Variants in ANO1 observed in about 807,000 individuals in gnomAD.
The protein encoded by ANO1 is anoctamin 1.
A neutral mutation model predicts 124.0 loss-of-function variants in ANO1; 59 were observed. The observed-to-expected ratio is 0.48, with a 90% CI of 0.39 to 0.59. ANO1 has a LOEUF of 0.59. Ranked by LOEUF, ANO1 falls within the 20% of genes least tolerant of loss-of-function variation. ANO1 has a pLI of 0.00. For missense variants in ANO1, 1,059 were observed against 1,328.0 expected (o/e 0.80, Z 3.15); for synonymous variants, 529 against 532.0 (o/e 0.99, Z 0.08).
chr11:69,997,479 A>G (rs536103964), intron 1 of ANO1, among the ~76,000 whole-genome samples: 115 of 152,344 alleles, frequency 7.5e-4, no homozygotes, highest in African/African-American at 2.6e-3. Context: ...CCCAGGCCAC[A>G]GGGCCAGACA....
In ANO1 at chr11:70,121,135, A is replaced by G. The variant is rs116160371; in HGVS notation, c.898-3215A>G. 7.2e-3 allele frequency among the ~76,000 whole-genome samples: 1,101 copies of G among 152,158 alleles called. 22 individuals carry two copies. Among genetic ancestry groups the G allele is most frequent in the African/African-American group, 0.025 (1,047 of 41,510 alleles). On this transcript the variant is annotated intron_variant, in intron 8 of 25. Transcript: ENST00000355303. Reference sequence around the variant, plus strand: ...GGGTGGGTCCCTCCTCCCCCGGTGCAGAGCTTTGTCCTTTCTCACTGTCCC... The same window carrying G: ...GGGTGGGTCCCTCCTCCCCCGGTGCGGAGCTTTGTCCTTTCTCACTGTCCC...
rs528137366 is a variant in ANO1 at position 70,019,925 on chromosome 11, C to T, written c.58+33759C>T. ...CCCAGCCAGCCCCAGGCTGAGGCCTCGGAGTGGGAAGGGGGCCGAGGGCCC... is the reference window on the plus strand; with the variant it reads ...CCCAGCCAGCCCCAGGCTGAGGCCTTGGAGTGGGAAGGGGGCCGAGGGCCC... On this transcript the variant is annotated intron_variant, in intron 1 of 27. Transcript: ENST00000531349. Among the ~76,000 whole-genome samples the T allele has an allele frequency of 6.1e-3, 933 of 152,346 alleles. 7 individuals carry two copies. The highest frequency in any genetic ancestry group is 0.016 in the South Asian group (75 of 4,828).
intron 11 of ANO1, among the ~76,000 whole-genome samples, chr11:70,141,064 C>A (rs2155449): frequency 0.51 from 77,023 of 151,874 alleles, 20,301 homozygotes; most frequent in Non-Finnish European, 0.6. Flanking sequence ...AGATGCGCAC[C>A]CCGGCCCATC....
intron 22 of ANO1, among the ~76,000 whole-genome samples, chr11:70,179,691 G>A (rs943861818): frequency 6.6e-6 from 1 of 152,198 alleles, no homozygotes; most frequent in African/African-American, 2.4e-5. Context: ...AATTAAAAAA[G>A]GTTTCATCTA....
rs541881612 is a variant in ANO1 at position 70,155,803 on chromosome 11, G to A, written c.1426-108G>A. ...GCAGTGAGCTTACGGCCCGCACCAGGAGGGGCCAGCCTGCTGCCAAGATGG... is the reference window on the plus strand; with the variant it reads ...GCAGTGAGCTTACGGCCCGCACCAGAAGGGGCCAGCCTGCTGCCAAGATGG... On this transcript the variant is annotated intron_variant, in intron 14 of 25. Transcript: ENST00000355303. 302 of 1,050,272 alleles carry A rather than the reference G, an allele frequency of 2.9e-4. 1 individual carries two copies. In the African/African-American group the frequency reaches 4.6e-3, roughly 16 times the overall value. 65.1% of individuals were successfully genotyped at this position (1,050,272 alleles called of 1,614,324 possible).
chr11:70,125,798 A>C (rs953586260), intron 9 of ANO1, among the ~76,000 whole-genome samples: 18 of 146,534 alleles, frequency 1.2e-4, no homozygotes, highest in South Asian at 2.3e-4. Flanking sequence ...GAGCCGAGAT[A>C]GCGCCACTGC....
intron 1 of ANO1, among the ~76,000 whole-genome samples, chr11:70,019,629 G>GGGAT (rs1555002420): frequency 1.3e-5 from 2 of 152,148 alleles, no homozygotes; most frequent in African/African-American, 4.8e-5. Context: ...ATGATGGGAA[G>GGGAT]GTTTACACCT....
At chr11:70,098,060 T>C (rs2045084103) in intron 2 of ANO1, among the ~76,000 whole-genome samples, 1 of 152,182 alleles carries the variant, frequency 6.6e-6, no homozygotes, top group Non-Finnish European at 1.5e-5. Flanking sequence ...GTGAACCCCT[T>C]GGGGCACCCG....
At chr11:70,178,361 T>C (rs897516937) in intron 22 of ANO1, among the ~76,000 whole-genome samples, 1 of 152,122 alleles carries the variant, frequency 6.6e-6, no homozygotes, top group Non-Finnish European at 1.5e-5. Flanking sequence ...GCAGAGCCCA[T>C]GTGACTGCCC....
chr11:70,010,393 G>A (rs192969938), intron 1 of ANO1, among the ~76,000 whole-genome samples: 92 of 151,388 alleles, frequency 6.1e-4, no homozygotes, highest in African/African-American at 2.1e-3. Flanking sequence ...TGGCTCTTGT[G>A]GAAATGACTA....
chr11:69,976,248 G>A, the ANO1 span, among the ~76,000 whole-genome samples: 122 of 152,220 alleles, frequency 8.0e-4, 1 homozygote, highest in Middle Eastern at 3.4e-3. Flanking sequence ...GAAGGCTCAC[G>A]CCTGTAATCC....
At chr11:69,972,911 TC>T in the ANO1 span, among the ~76,000 whole-genome samples, 1 of 87,248 alleles carries the variant, frequency 1.1e-5, no homozygotes, top group Non-Finnish European at 2.9e-5. Context: ...CTTTTCTTTT[TC>T]TTTCTTTTTT....
intron 1 of ANO1, among the ~76,000 whole-genome samples, chr11:70,002,190 C>A (rs552497712): frequency 2.2e-4 from 33 of 152,200 alleles, no homozygotes; most frequent in African/African-American, 7.7e-4. Context: ...GTGGCTCACA[C>A]CTATAATCCC....
At chr11:69,990,871 A>T (rs1554997388) in intron 1 of ANO1, among the ~76,000 whole-genome samples, 1 of 152,164 alleles carries the variant, frequency 6.6e-6, no homozygotes, top group African/African-American at 2.4e-5. Context: ...TTAAACTTTT[A>T]TCAGCTGAAT....
rs150129562 is a variant in ANO1, at chr11:70,161,072, G to C, written c.1579-89G>C. 6.9e-4 allele frequency: 856 copies of C among 1,232,706 alleles called. 3 individuals are homozygous for C. In the African/African-American group the frequency reaches 0.012, roughly 17 times the overall value. 76.4% of individuals were successfully genotyped at this position (1,232,706 alleles called of 1,614,324 possible). On this transcript the variant is annotated intron_variant, in intron 16 of 25. Coordinates refer to ENST00000355303, the MANE Select transcript of ANO1 (RefSeq NM_018043.7). ...TGAAGCAGAAGAGCGGGAAGGTTGG[G>C]GGACAGCTGGACTGAGGGAGCAGAT...
intron 2 of ANO1, among the ~76,000 whole-genome samples, chr11:70,093,612 A>G (rs772051066): frequency 2.6e-5 from 4 of 152,288 alleles, no homozygotes; most frequent in Non-Finnish European, 2.9e-5. Flanking sequence ...GGCCGTGGAC[A>G]TTGGAACCCT....
intron 8 of ANO1, among the ~76,000 whole-genome samples, chr11:70,123,758 A>G (rs1052138667): frequency 6.6e-6 from 1 of 152,096 alleles, no homozygotes; most frequent in African/African-American, 2.4e-5. Context: ...AACCACCCAC[A>G]TGCGCGGGTT....
intron 7 of ANO1, among the ~76,000 whole-genome samples, chr11:70,116,044 T>C (rs1472672459): frequency 6.6e-6 from 1 of 152,188 alleles, no homozygotes; most frequent in Non-Finnish European, 1.5e-5. Context: ...CTTGGGATGC[T>C]CCACAGTGAG....
intron 6 of ANO1, among the ~76,000 whole-genome samples, chr11:70,110,335 C>T (rs2045723091): frequency 6.6e-6 from 1 of 151,862 alleles, no homozygotes; most frequent in Non-Finnish European, 1.5e-5. Context: ...TACAGGCGCC[C>T]GCCACCACGC....
Sources: gnomAD v4.1 joint callset for allele counts (sites outside exome capture counted in the v4.1 genomes callset) on GRCh38, gnomAD v4.1.1 for gene constraint, MANE v1.5 for transcripts, NCBI Gene and HGNC (gene_info 2026-07-23, HGNC 2026-07-21) for gene names.